PBX3: variants seen among roughly 807,000 people sequenced by gnomAD.
The protein encoded by PBX3 is pre-B-cell leukemia transcription factor 3.
Under a neutral mutation model 48.5 loss-of-function variants are expected in PBX3, and 14 were observed. The observed-to-expected ratio is 0.29, with a 90% CI of 0.19 to 0.45. PBX3 has a LOEUF of 0.45. PBX3 is among the 20% of genes least tolerant of loss of function. The pLI is 1.00. For missense variants in PBX3, 386 were observed against 546.7 expected, an observed-to-expected ratio of 0.71 and a Z score of 2.93; for synonymous variants, 210 against 200.3, an observed-to-expected ratio of 1.05 and a Z score of -0.41.
intron 4 of PBX3, among the ~76,000 whole-genome samples, chr9:125,934,567 A>G (rs899466915): frequency 1.1e-4 from 17 of 152,192 alleles, no homozygotes; most frequent in Non-Finnish European, 2.9e-5. Context: ...TGATCTTTTG[A>G]AAGTCTGTTA....
At chr9:125,831,147 A>C (rs1016728362) in intron 2 of PBX3, among the ~76,000 whole-genome samples, 1 of 152,120 alleles carries the variant, frequency 6.6e-6, no homozygotes, top group African/African-American at 2.4e-5. Context: ...TTACGCTTCT[A>C]TTTGCTGAAT....
At chr9:125,954,827 A>G (rs1430402792) in intron 5 of PBX3, among the ~76,000 whole-genome samples, 2 of 152,204 alleles carry the variant, frequency 1.3e-5, no homozygotes, top group Non-Finnish European at 2.9e-5. Context: ...GTGAGCCACC[A>G]TGCCTGGCCT....
intron 5 of PBX3, among the ~76,000 whole-genome samples, chr9:125,938,340 C>T (rs1214861582): frequency 6.6e-6 from 1 of 152,086 alleles, no homozygotes; most frequent in Non-Finnish European, 1.5e-5. Flanking sequence ...AAAACATCAA[C>T]ATGATACAAC....
At chr9:125,890,030 G>C (rs1387037471) in intron 2 of PBX3, among the ~76,000 whole-genome samples, 6 of 152,104 alleles carry the variant, frequency 3.9e-5, no homozygotes, top group Non-Finnish European at 8.8e-5. Context: ...CTTGTGCCCT[G>C]GGGTCAGCAC....
chr9:125,960,207 T>G (rs1023260288), intron 5 of PBX3, among the ~76,000 whole-genome samples: 3 of 152,226 alleles, frequency 2.0e-5, no homozygotes, highest in African/African-American at 7.2e-5. Context: ...GGTTTTTTCA[T>G]CCATTATTAA....
chr9:125,852,943 C>T (rs1839622936), intron 2 of PBX3, among the ~76,000 whole-genome samples: 1 of 152,084 alleles, frequency 6.6e-6, no homozygotes, highest in Admixed American at 6.5e-5. Context: ...CTTAATACTC[C>T]AGCTTTGTAT....
intron 2 of PBX3, among the ~76,000 whole-genome samples, chr9:125,860,174 A>G (rs1327635586): frequency 6.6e-6 from 1 of 152,226 alleles, no homozygotes; most frequent in Non-Finnish European, 1.5e-5. Flanking sequence ...ATTAGCCACC[A>G]TCTCTCAAAC....
chr9:125,899,524 T>G (rs995853614), intron 2 of PBX3, among the ~76,000 whole-genome samples: 2 of 142,998 alleles, frequency 1.4e-5, no homozygotes, highest in African/African-American at 2.6e-5. Context: ...TGTCAGAGGG[T>G]AGGTACATGA....
At chr9:125,878,734 G>A (rs542535182) in intron 2 of PBX3, among the ~76,000 whole-genome samples, 1 of 152,218 alleles carries the variant, frequency 6.6e-6, no homozygotes, top group South Asian at 2.1e-4. Flanking sequence ...TGTTTCTCAG[G>A]GACATCTGTT....
In PBX3 at chr9:125,963,058, A is replaced by G; in HGVS notation, c.1169A>G (p.Asp390Gly). Residue 390 changes from aspartate (D) to glycine (G), a missense_variant, in exon 8 of 9, where the codon GAT becomes GGT. Asp to Gly is a moderately conservative substitution (Grantham distance 94). Transcript: ENST00000373489. Reference protein sequence around the residue: ...HVINQTGGYSDGLGGNSLYSP... With the variant: ...HVINQTGGYSGGLGGNSLYSP... ...ATCAATCAGACGGGAGGCTACAGTG[A>G]TGGCCTTGGAGGAAATTCACTGTAC... is the stretch of plus-strand genomic sequence containing the variant. 6.2e-7 allele frequency: 1 copy of G among 1,611,054 alleles called. No individual in the cohort carries two copies. The highest frequency in any genetic ancestry group is 8.5e-7 in the Non-Finnish European group (1 of 1,177,700).
chr9:125,934,976 G>A (rs1157710850), intron 4 of PBX3, among the ~76,000 whole-genome samples: 2 of 152,028 alleles, frequency 1.3e-5, no homozygotes, highest in Non-Finnish European at 1.5e-5. Flanking sequence ...GTTTCCTATT[G>A]CACTCAGCAT....
At chr9:125,886,186 TTAATG>T (rs1288997680) in intron 2 of PBX3, among the ~76,000 whole-genome samples, 1 of 152,070 alleles carries the variant, frequency 6.6e-6, no homozygotes, top group African/African-American at 2.4e-5. Context: ...AAGTGTGACA[TTAATG>T]TAGTGTATAT....
chr9:125,860,790 G>A (rs1839842427), intron 2 of PBX3, among the ~76,000 whole-genome samples: 1 of 151,278 alleles, frequency 6.6e-6, no homozygotes, highest in Non-Finnish European at 1.5e-5. Context: ...GGGAGGCTGA[G>A]GCAGGAGAAT....
At chr9:125,957,570 G>A (rs10513456) in intron 5 of PBX3, among the ~76,000 whole-genome samples, 95,391 of 152,090 alleles carry the variant, frequency 0.63, 31,407 homozygotes, top group East Asian at 0.77. Context: ...TGAGACCTTC[G>A]ATGGTACAGA....
chr9:125,889,746 G>T (rs1353934308), intron 2 of PBX3, among the ~76,000 whole-genome samples: 1 of 150,876 alleles, frequency 6.6e-6, no homozygotes, highest in Non-Finnish European at 1.5e-5. Context: ...CAGGGCGGGG[G>T]CGCGCCGCGG....
intron 2 of PBX3, among the ~76,000 whole-genome samples, chr9:125,791,364 CATCT>C (rs148673228): frequency 7.0e-6 from 1 of 142,742 alleles, no homozygotes; most frequent in African/African-American, 2.6e-5. Context: ...AATCATCTGT[CATCT>C]ATCTATCTGT....
chr9:125,768,998 G>A (rs1301812321), intron 2 of PBX3, among the ~76,000 whole-genome samples: 3 of 152,102 alleles, frequency 2.0e-5, no homozygotes, highest in East Asian at 3.8e-4. Context: ...AGTTCAGCTT[G>A]CAACTCACAG....
chr9:125,862,159 G>A (rs1338337679), intron 2 of PBX3, among the ~76,000 whole-genome samples: 1 of 152,110 alleles, frequency 6.6e-6, no homozygotes, highest in Non-Finnish European at 1.5e-5. Flanking sequence ...CATTGCCTGT[G>A]TATACAAGAA....
At chr9:125,781,598 G>C (rs1044355301) in intron 2 of PBX3, among the ~76,000 whole-genome samples, 1 of 145,744 alleles carries the variant, frequency 6.9e-6, no homozygotes, top group African/African-American at 2.4e-5. Flanking sequence ...AGAGGCGAGA[G>C]GGAGAGGCAG....
Sources: gnomAD v4.1 joint callset for allele counts (sites outside exome capture counted in the v4.1 genomes callset) on GRCh38, gnomAD v4.1.1 for gene constraint, MANE v1.5 for transcripts, NCBI Gene and HGNC (gene_info 2026-07-23, HGNC 2026-07-21) for gene names.